PTPRE: variants seen among roughly 807,000 people sequenced by gnomAD.
PTPRE encodes the protein protein tyrosine phosphatase receptor type E.
PTPRE carries 51 observed loss-of-function variants against 102.0 expected under a neutral mutation model. That is an observed-to-expected ratio of 0.50 (90% confidence interval 0.40 to 0.63). PTPRE has a LOEUF of 0.63. Among genes scored for constraint, PTPRE ranks in the 30% least tolerant of loss-of-function variants. PTPRE has a pLI of 0.00. For missense variants in PTPRE, 752 were observed against 915.1 expected, an observed-to-expected ratio of 0.82 and a Z score of 2.30; for synonymous variants, 345 against 348.2, an observed-to-expected ratio of 0.99 and a Z score of 0.10.
At chr10:128,017,199 G>A (rs1845504609) in intron 2 of PTPRE, among the ~76,000 whole-genome samples, 1 of 152,150 alleles carries the variant, frequency 6.6e-6, no homozygotes, top group South Asian at 2.1e-4. Context: ...GTGGCTGAGA[G>A]GTGCTGGTCC....
chr10:128,078,178 C>T lies in PTPRE; in HGVS notation c.1892+395C>T, dbSNP rs142337591. Reference sequence around the variant, plus strand: ...TTACTGGGCTGCATTGGCCTACACCCGCCCTCTCCCATGGGCTGGGATTCC... The same window carrying T: ...TTACTGGGCTGCATTGGCCTACACCTGCCCTCTCCCATGGGCTGGGATTCC... On this transcript the variant is annotated intron_variant, in intron 19 of 20. Coordinates refer to ENST00000254667, the MANE Select transcript of PTPRE (RefSeq NM_006504.6). Among the ~76,000 whole-genome samples the T allele has an allele frequency of 6.8e-3, 1,043 of 152,310 alleles. 8 individuals are homozygous for T. Among genetic ancestry groups the T allele is most frequent in the African/African-American group, 0.024 (987 of 41,578 alleles).
intron 6 of PTPRE, among the ~76,000 whole-genome samples, chr10:128,052,351 C>G (rs1848626064): frequency 6.6e-6 from 1 of 152,170 alleles, no homozygotes; most frequent in Admixed American, 6.5e-5. Context: ...TGCAGGCAAA[C>G]TTGGTGGGGA....
chr10:127,917,793 G>A (rs941547938), intron 1 of PTPRE, among the ~76,000 whole-genome samples: 4 of 152,272 alleles, frequency 2.6e-5, no homozygotes, highest in African/African-American at 9.6e-5. Context: ...ATTTTGTGAG[G>A]CCAAGGTAGG....
At chr10:127,980,676 A>G (rs1443680151) in intron 1 of PTPRE, among the ~76,000 whole-genome samples, 1 of 152,094 alleles carries the variant, frequency 6.6e-6, no homozygotes, top group African/African-American at 2.4e-5. Flanking sequence ...TACCAGAAGT[A>G]TTTTTTCTGC....
chr10:128,030,670 C>G (rs1016024862), intron 2 of PTPRE, among the ~76,000 whole-genome samples: 10 of 152,196 alleles, frequency 6.6e-5, no homozygotes, highest in Non-Finnish European at 1.3e-4. Context: ...TGAGCAGTGC[C>G]GCGTGCATGG....
At chr10:127,996,572 G>T (rs991251775) in intron 2 of PTPRE, among the ~76,000 whole-genome samples, 2 of 152,308 alleles carry the variant, frequency 1.3e-5, no homozygotes, top group Admixed American at 1.3e-4. Context: ...GCACCTCACT[G>T]GAACCCATGC....
rs184567600 is a variant in PTPRE, at chr10:127,955,708, T to C, written c.-30-26566T>C. On this transcript the variant is annotated intron_variant, in intron 1 of 20. Transcript: ENST00000254667. ...TTATATTCATCAGTTTTCACACTACTGTAAAAAACTACCTGAGACTGGGTA... is the reference window on the plus strand; with the variant it reads ...TTATATTCATCAGTTTTCACACTACCGTAAAAAACTACCTGAGACTGGGTA... 3.5e-3 allele frequency among the ~76,000 whole-genome samples: 531 copies of C among 152,302 alleles called. 5 individuals carry two copies. The highest frequency in any genetic ancestry group is 0.012 in the African/African-American group (510 of 41,568).
chr10:127,941,317 C>T (rs1479907527), intron 1 of PTPRE, among the ~76,000 whole-genome samples: 1 of 152,248 alleles, frequency 6.6e-6, no homozygotes, highest in Non-Finnish European at 1.5e-5. Flanking sequence ...GGAGCAACAC[C>T]TATTTATTGA....
chr10:128,036,137 G>A (rs1368953552), intron 2 of PTPRE, among the ~76,000 whole-genome samples: 5 of 152,122 alleles, frequency 3.3e-5, no homozygotes, highest in Non-Finnish European at 5.9e-5. Flanking sequence ...TGTGTACCTC[G>A]ACCTGCCTTC....
intron 18 of PTPRE, 60 bp downstream of exon 18, chr10:128,076,788 G>A: frequency 1.9e-6 from 3 of 1,596,698 alleles, no homozygotes; most frequent in Non-Finnish European, 2.6e-6. Context: ...CCTCCCTCTG[G>A]GTTCTGCTTG....
chr10:127,914,359 C>G (rs1232386164), intron 1 of PTPRE, among the ~76,000 whole-genome samples: 1 of 152,228 alleles, frequency 6.6e-6, no homozygotes, highest in African/African-American at 2.4e-5. Flanking sequence ...ACACACAGCA[C>G]AGGTGGAAAT....
At chr10:128,015,212 T>C (rs1373396250) in intron 2 of PTPRE, among the ~76,000 whole-genome samples, 6 of 152,168 alleles carry the variant, frequency 3.9e-5, no homozygotes, top group African/African-American at 9.7e-5. Flanking sequence ...GCTTTGTTTA[T>C]AAGAGCAAAC....
At chr10:127,975,715 T>A (rs1851105849) in intron 1 of PTPRE, among the ~76,000 whole-genome samples, 1 of 152,174 alleles carries the variant, frequency 6.6e-6, no homozygotes. Flanking sequence ...AAAAACATCT[T>A]TAGCGTGTTC....
chr10:127,939,263 A>G (rs985475707), intron 1 of PTPRE, among the ~76,000 whole-genome samples: 2 of 152,240 alleles, frequency 1.3e-5, no homozygotes, highest in African/African-American at 4.8e-5. Flanking sequence ...TCCCGCAGTT[A>G]AAGAATTCAT....
intron 1 of PTPRE, among the ~76,000 whole-genome samples, chr10:127,962,188 G>A (rs2135392433): frequency 6.6e-6 from 1 of 152,214 alleles, no homozygotes; most frequent in East Asian, 1.9e-4. Context: ...GGGGGGTGAG[G>A]AAGAGGCTGC....
chr10:127,970,456 A>G (rs975371224), intron 1 of PTPRE, among the ~76,000 whole-genome samples: 1 of 151,986 alleles, frequency 6.6e-6, no homozygotes, highest in Non-Finnish European at 1.5e-5. Context: ...TGTAAGGCCA[A>G]CTGAGCTCTC....
At chr10:128,075,547 T>C (rs895534118) in intron 17 of PTPRE, among the ~76,000 whole-genome samples, 5 of 152,024 alleles carry the variant, frequency 3.3e-5, no homozygotes, top group African/African-American at 9.7e-5. Context: ...GCACTAGGAC[T>C]AAGATGTATC....
At chr10:127,920,839 C>G (rs1056675691) in intron 1 of PTPRE, among the ~76,000 whole-genome samples, 6 of 152,236 alleles carry the variant, frequency 3.9e-5, no homozygotes, top group African/African-American at 7.2e-5. Context: ...GGCCCTGGCT[C>G]TCTCTCATAT....
chr10:128,053,524 T>G (rs1848707418), intron 6 of PTPRE, among the ~76,000 whole-genome samples: 1 of 152,158 alleles, frequency 6.6e-6, no homozygotes, highest in South Asian at 2.1e-4. Flanking sequence ...GCAGAGTCCA[T>G]GTGGGTGGTT....
Sources: allele counts gnomAD v4.1 joint callset (sites outside exome capture counted in the v4.1 genomes callset), GRCh38; gene constraint gnomAD v4.1.1; transcripts MANE v1.5; gene names NCBI Gene and HGNC (gene_info 2026-07-23, HGNC 2026-07-21).